MID1: variants seen among roughly 807,000 people sequenced by gnomAD.
MID1 encodes midline 1.
Under a neutral mutation model 40.4 loss-of-function variants are expected in MID1, and 7 were observed. The ratio of observed to expected loss-of-function variants is 0.17; its 90% CI spans 0.10 to 0.33. The LOEUF (loss-of-function observed/expected upper bound fraction) is 0.33, where lower values mean the gene tolerates loss of function less well. Ranked by LOEUF, MID1 falls within the 10% of genes least tolerant of loss-of-function variation. MID1 has a pLI of 1.00. For synonymous variants in MID1, 229 were observed against 221.2 expected (o/e 1.04, Z -0.31); for missense variants, 367 against 558.5 (o/e 0.66, Z 3.46).
intron 1 of MID1, among the ~76,000 whole-genome samples, chrX:10,727,559 T>G (rs1166072976): frequency 8.9e-6 from 1 of 112,178 alleles, no homozygotes; most frequent in Non-Finnish European, 1.9e-5. Context: ...TTTCAAGACT[T>G]GAGAGAATCA....
intron 1 of MID1, among the ~76,000 whole-genome samples, chrX:10,820,054 C>T (rs1012519600): frequency 2.7e-5 from 3 of 111,892 alleles, no homozygotes; most frequent in African/African-American, 9.8e-5. Context: ...GCCCCATTGG[C>T]CTCAAGCCCT....
rs755763111 is a variant in MID1, at chrX:10,528,345, A to G, written c.661-5158T>C. Among the ~76,000 whole-genome samples the G allele has an allele frequency of 6.2e-5, 7 of 112,088 alleles. No homozygotes were observed. The East Asian group carries it at 2.0e-3, about 31-fold the overall frequency. On this transcript the variant is annotated intron_variant, in intron 2 of 9. Transcript: ENST00000317552. ...CTTTTTACTAAGTCTTTGGAATCTG[A>G]TATGTTTTACACTTATGACACATCT...
At position 10,807,572 on chromosome X, in the gene MID1, G is replaced by A. The variant is rs762059259; in HGVS notation, c.-187+25982C>T. On this transcript the variant is annotated intron_variant, in intron 1 of 10. Transcript: ENST00000380785. ...GGTCTTCATTTCCTTGCTTCTGTTT[G>A]TGGAGGGTTGCTCAGCTCCTACAGG... 5.8e-4 allele frequency among the ~76,000 whole-genome samples: 65 copies of A among 111,812 alleles called. 1 individual carries two copies. The Admixed American group carries it at 5.9e-3, about 10-fold the overall frequency.
At chrX:10,693,823 C>T (rs1455271025) in intron 1 of MID1, among the ~76,000 whole-genome samples, 3 of 111,749 alleles carry the variant, frequency 2.7e-5, no homozygotes, top group Non-Finnish European at 5.6e-5. Context: ...TTCCTGCCTT[C>T]CCAGAAGTTA....
chrX:10,770,045 A>T (rs1167361547), intron 1 of MID1, among the ~76,000 whole-genome samples: 1 of 111,662 alleles, frequency 9.0e-6, no homozygotes, highest in East Asian at 2.8e-4. Flanking sequence ...TGTGTAATGA[A>T]GTGAAATGAG....
chrX:10,510,693 A>G (rs189861215), intron 3 of MID1, among the ~76,000 whole-genome samples: 43 of 107,915 alleles, frequency 4.0e-4, no homozygotes, highest in African/African-American at 1.3e-3. Flanking sequence ...CTAGCTGGGC[A>G]TGGTGGTGCA....
chrX:10,498,384 G>T (rs1432695366), intron 3 of MID1, among the ~76,000 whole-genome samples: 1 of 112,419 alleles, frequency 8.9e-6, no homozygotes, highest in Non-Finnish European at 1.9e-5. Flanking sequence ...AAACTGCTGG[G>T]ATTACAAGAG....
At chrX:10,644,421 G>A (rs1002269418) in intron 1 of MID1, among the ~76,000 whole-genome samples, 3 of 109,702 alleles carry the variant, frequency 2.7e-5, no homozygotes, top group African/African-American at 6.7e-5. Context: ...TAGGATCTTC[G>A]GCCCCTCCAA....
chrX:10,745,800 A>G (rs1028672533), intron 1 of MID1, among the ~76,000 whole-genome samples: 4 of 112,460 alleles, frequency 3.6e-5, no homozygotes, highest in African/African-American at 1.3e-4. Flanking sequence ...TTATTTTCCT[A>G]GAGGGGCAGA....
At chrX:10,594,150 ATATT>A (rs998824607) in intron 1 of MID1, among the ~76,000 whole-genome samples, 6 of 111,789 alleles carry the variant, frequency 5.4e-5, no homozygotes, top group African/African-American at 2.0e-4. Context: ...GTGTGTATAT[ATATT>A]TATGTATTAA....
chrX:10,787,353 T>C (rs973783430), intron 1 of MID1, among the ~76,000 whole-genome samples: 9 of 109,877 alleles, frequency 8.2e-5, no homozygotes, highest in African/African-American at 3.0e-4. Flanking sequence ...CTATTTTTTT[T>C]AAATGAATCT....
intron 3 of MID1, among the ~76,000 whole-genome samples, chrX:10,508,929 T>C (rs766585982): frequency 1.4e-4 from 15 of 111,069 alleles, no homozygotes; most frequent in Admixed American, 1.9e-4. Flanking sequence ...AACTTGGGAG[T>C]GGGGAGTTCT....
At chrX:10,665,283 T>G (rs2147586536) in intron 1 of MID1, among the ~76,000 whole-genome samples, 1 of 112,191 alleles carries the variant, frequency 8.9e-6, no homozygotes, top group South Asian at 3.7e-4. Flanking sequence ...TAAGGATTCT[T>G]AAGCCTCTAG....
At chrX:10,804,978 G>T (rs927156750) in intron 1 of MID1, among the ~76,000 whole-genome samples, 8 of 111,003 alleles carry the variant, frequency 7.2e-5, no homozygotes, top group African/African-American at 2.6e-4. Flanking sequence ...AGAACCTTGT[G>T]GGGGGAATCC....
At chrX:10,658,567 T>C (rs116806797) in intron 1 of MID1, among the ~76,000 whole-genome samples, 1,683 of 108,723 alleles carry the variant, frequency 0.015, 36 homozygotes, top group African/African-American at 0.052. Flanking sequence ...AGGCTAAATA[T>C]TAGAGGCACT....
chrX:10,645,598 G>A (rs1936253820), intron 1 of MID1, among the ~76,000 whole-genome samples: 1 of 112,156 alleles, frequency 8.9e-6, no homozygotes, highest in Non-Finnish European at 1.9e-5. Context: ...GTAGTGAGGG[G>A]CTGGGCTTTG....
At chrX:10,456,132 A>G (rs1373429201) in intron 8 of MID1, among the ~76,000 whole-genome samples, 6 of 112,487 alleles carry the variant, frequency 5.3e-5, no homozygotes, top group Non-Finnish European at 7.5e-5. Flanking sequence ...AGTAAATTCA[A>G]CTGTGGCAAT....
At chrX:10,647,566 G>A (rs1936274492) in intron 1 of MID1, among the ~76,000 whole-genome samples, 2 of 111,553 alleles carry the variant, frequency 1.8e-5, no homozygotes, top group South Asian at 7.5e-4. Context: ...AAAATAACAT[G>A]ATATTTTGAA....
intron 1 of MID1, among the ~76,000 whole-genome samples, chrX:10,688,366 T>G (rs2043112702): frequency 8.9e-6 from 1 of 111,862 alleles, no homozygotes; most frequent in South Asian, 3.7e-4. Context: ...TATAAGGATA[T>G]TACTTCTATC....
Sources: allele counts gnomAD v4.1 joint callset (sites outside exome capture counted in the v4.1 genomes callset), GRCh38; gene constraint gnomAD v4.1.1; transcripts MANE v1.5; gene names NCBI Gene and HGNC (gene_info 2026-07-23, HGNC 2026-07-21).